The following LRRC27 variants were observed in gnomAD, a reference collection of about 807,000 sequenced individuals.
The protein encoded by LRRC27 is leucine-rich repeat-containing protein 27.
In LRRC27, 57 loss-of-function variants were observed where a neutral mutation model predicts 55.0. That is an observed-to-expected ratio of 1.04 (90% confidence interval 0.84 to 1.29). LRRC27 has a LOEUF of 1.29. LRRC27 is among the 50% of genes most tolerant of loss of function. LRRC27 has a pLI of 0.00. For synonymous variants in LRRC27, 278 were observed against 251.9 expected, an observed-to-expected ratio of 1.10 and a Z score of -0.98; for missense variants, 721 against 651.5, an observed-to-expected ratio of 1.11 and a Z score of -1.16.
chr10:132,364,106 G>GGCGCTGACACAGGGCAT (rs2068785191), intron 9 of LRRC27, among the ~76,000 whole-genome samples: 1 of 152,000 alleles, frequency 6.6e-6, no homozygotes, highest in Non-Finnish European at 1.5e-5. Flanking sequence ...TGGAGTCTGA[G>GGCGCTGACACAGGGCAT]GCGCTGACAC....
intron 3 of LRRC27, among the ~76,000 whole-genome samples, chr10:132,340,679 A>G (rs1323728015): frequency 6.6e-6 from 1 of 152,192 alleles, no homozygotes; most frequent in Non-Finnish European, 1.5e-5. Context: ...AAAACTTCAA[A>G]TAATGGCCAG....
chr10:132,332,581 C>T (rs888641305), intron 1 of LRRC27: 1 of 152,152 alleles, frequency 6.6e-6, no homozygotes, highest in Non-Finnish European at 1.5e-5. Flanking sequence ...AGATACTTTC[C>T]CTGTTCTGAG....
chr10:132,338,380 G>T (rs1004748122), intron 3 of LRRC27, among the ~76,000 whole-genome samples: 15 of 152,272 alleles, frequency 9.9e-5, no homozygotes, highest in African/African-American at 3.1e-4. Context: ...AACCCACATT[G>T]GTTCTTGGCA....
chr10:132,364,582 G>A (rs1402534159), intron 9 of LRRC27, among the ~76,000 whole-genome samples: 1 of 8,696 alleles, frequency 1.1e-4, no homozygotes, highest in Non-Finnish European at 2.2e-4. Flanking sequence ...CACACCCTGG[G>A]GCCCCACACT....
intron 4 of LRRC27, among the ~76,000 whole-genome samples, chr10:132,343,930 A>G (rs908654102): frequency 6.6e-6 from 1 of 152,090 alleles, no homozygotes; most frequent in African/African-American, 2.4e-5. Flanking sequence ...CTCAGCGGCC[A>G]TCGTTTCCAA....
At chr10:132,364,713 ATGCAGTCCGCGTC>A (rs2068939171) in intron 9 of LRRC27, among the ~76,000 whole-genome samples, 2 of 3,046 alleles carry the variant, frequency 6.6e-4, no homozygotes, top group Non-Finnish European at 9.6e-4. Context: ...CCCCACACTC[ATGCAGTCCGCGTC>A]CACACTTACA....
In LRRC27 at chr10:132,365,449, G is replaced by A. The variant is rs1295306058; in HGVS notation, c.1315G>A (p.Glu439Lys). 2 of 1,613,718 alleles carry A rather than the reference G, an allele frequency of 1.2e-6. No individual in the cohort carries two copies. Among genetic ancestry groups the A allele is most frequent in the Non-Finnish European group, 1.7e-6 (2 of 1,179,970 alleles). Reference sequence around the variant, plus strand: ...TGCCCTGCAGGAGAGAAATTTAGAAGAGAAGATAAAACAGCACGTCCTCCA... The same window carrying A: ...TGCCCTGCAGGAGAGAAATTTAGAAAAGAAGATAAAACAGCACGTCCTCCA... Reference protein sequence around the residue: ...MSALQERNLEEKIKQHVLQMR... With the variant: ...MSALQERNLEKKIKQHVLQMR... The change falls in exon 10 of 11, where the codon GAG becomes AAG. Residue 439 changes from glutamate (E) to lysine (K), a missense_variant. Glu to Lys is a moderately conservative substitution (Grantham distance 56). Transcript: ENST00000368614.
Position 132,333,483 on chromosome 10 carries a change from C to T in LRRC27, c.-42C>T, listed in dbSNP as rs758805717. On this transcript the variant is annotated 5_prime_UTR_variant, in exon 2 of 11. Coordinates refer to ENST00000368614, the MANE Select transcript of LRRC27 (RefSeq NM_030626.3). ...CCCTTTCCCGTGTCTCCAGGTGACTCCAGACCAAGGAGGATGAGCTGCTGT... is the reference window on the plus strand; with the variant it reads ...CCCTTTCCCGTGTCTCCAGGTGACTTCAGACCAAGGAGGATGAGCTGCTGT... 2.6e-6 allele frequency: 4 copies of T among 1,512,466 alleles called. No homozygotes were observed. In the African/African-American group the frequency reaches 5.6e-5, roughly 21 times the overall value. The allele number at this position is 1,512,466 out of a possible 1,614,324, so 93.7% of individuals were successfully genotyped here. A position where few individuals can be genotyped will look rare whatever the true frequency, so the allele number is the denominator to read the frequency against.
chr10:132,343,410 C>T (rs2067513881), intron 4 of LRRC27, among the ~76,000 whole-genome samples: 1 of 152,210 alleles, frequency 6.6e-6, no homozygotes, highest in African/African-American at 2.4e-5. Flanking sequence ...GGCTGGAACC[C>T]TTACACAGTT....
intron 6 of LRRC27, chr10:132,349,177 C>G (rs1394015057): frequency 1.4e-6 from 1 of 733,160 alleles, no homozygotes; most frequent in Non-Finnish European, 2.3e-6. Flanking sequence ...CATGCATTCT[C>G]AAGGGGCACA....
rs776153647 is a variant in LRRC27, at chr10:132,365,556, G to A, written c.1416+6G>A. The A allele has an allele frequency of 2.5e-6, 4 of 1,612,372 alleles. No homozygotes were observed. The highest frequency in any genetic ancestry group is 3.4e-6 in the Non-Finnish European group (4 of 1,179,730). On this transcript the variant is annotated splice_donor_region_variant and intron_variant, in intron 10 of 10. Transcript: ENST00000368614. ...CTGCCGAGGATCTGGAAATTGTAAG[G>A]ATTTCTTGGTTCTGTTTAAAAAAGT...
chr10:132,341,334 C>T (rs1027298555), intron 3 of LRRC27, among the ~76,000 whole-genome samples: 1 of 152,170 alleles, frequency 6.6e-6, no homozygotes, highest in African/African-American at 2.4e-5. Context: ...TTGCAGTGAG[C>T]TGAGATTGTG....
intron 7 of LRRC27, 136 bp from the exon 8 acceptor site, chr10:132,355,654 C>A (rs2068273891): frequency 3.2e-6 from 2 of 634,302 alleles, no homozygotes; most frequent in Non-Finnish European, 5.8e-6. Flanking sequence ...CAGACTCCCA[C>A]CCGGAGGGCA....
chr10:132,333,847 C>A, intron 2 of LRRC27, 113 bp downstream of exon 2: 1 of 796,858 alleles, frequency 1.3e-6, no homozygotes, highest in Admixed American at 2.9e-5. Flanking sequence ...TTGATGAATT[C>A]TAAAATTAAA....
At chr10:132,337,543 C>G in intron 2 of LRRC27, 22 bp from the exon 3 acceptor site, 5 of 1,608,474 alleles carry the variant, frequency 3.1e-6, no homozygotes, top group South Asian at 1.1e-5. Context: ...AAAACATTCT[C>G]TGATTCTCTT....
chr10:132,366,758 G>A (rs756753949), intron 10 of LRRC27: 104 of 1,042,096 alleles, frequency 1.0e-4, no homozygotes, highest in Non-Finnish European at 1.2e-4. Flanking sequence ...GCACTGTCAC[G>A]GGGGAGGAAG....
At position 132,366,519 on chromosome 10, in the gene LRRC27, C is replaced by T. The variant is rs142330537; in HGVS notation, c.1416+969C>T. The T allele has an allele frequency of 3.1e-3, 489 of 157,530 alleles. 1 individual carries two copies. The highest frequency in any genetic ancestry group is 2.8e-3 in the Non-Finnish European group (199 of 70,996). 9.8% of individuals were successfully genotyped at this position (157,530 alleles called of 1,614,324 possible). The stretch of plus-strand genomic sequence containing the variant: ...GAATGAAGGAAAGTGCTTTGCTGCC[C>T]GAACTGCTGCCTGGCCAGCCCATCC... On this transcript the variant is annotated intron_variant, in intron 10 of 10. Coordinates refer to ENST00000368614, the MANE Select transcript of LRRC27 (RefSeq NM_030626.3).
intron 9 of LRRC27, among the ~76,000 whole-genome samples, chr10:132,362,259 G>T (rs1189163431): frequency 6.6e-6 from 1 of 152,222 alleles, no homozygotes; most frequent in African/African-American, 2.4e-5. Flanking sequence ...GCCCATCAGG[G>T]ATAGCTGGTG....
At chr10:132,355,624 G>A (rs116407901) in intron 7 of LRRC27, among the ~76,000 whole-genome samples, 166 bp from the exon 8 acceptor site, 2,424 of 152,336 alleles carry the variant, frequency 0.016, 65 homozygotes, top group African/African-American at 0.053. Flanking sequence ...CAGATGTGCC[G>A]GGAGGAAGAG....
Sources: gnomAD v4.1 joint callset for allele counts (sites outside exome capture counted in the v4.1 genomes callset) on GRCh38, gnomAD v4.1.1 for gene constraint, MANE v1.5 for transcripts, NCBI Gene and HGNC (gene_info 2026-07-23, HGNC 2026-07-21) for gene names.